The following PUS10 variants were observed in gnomAD, a reference collection of about 807,000 sequenced individuals.
PUS10 encodes the protein pseudouridine synthase 10.
Under a neutral mutation model 75.0 loss-of-function variants are expected in PUS10, and 59 were observed. The ratio of observed to expected loss-of-function variants is 0.79; its 90% confidence interval spans 0.64 to 0.98. The LOEUF (loss-of-function observed/expected upper bound fraction) is 0.98. Among genes scored for constraint, PUS10 ranks in the 50% least tolerant of loss-of-function variants. The probability of loss-of-function intolerance (pLI) is 0.00; values close to 1 mark genes in which losing one functional copy is unlikely to be tolerated. For synonymous variants in PUS10, 219 were observed against 211.6 expected (o/e 1.03, Z -0.30); for missense variants, 650 against 614.4 (o/e 1.06, Z -0.61).
At chr2:60,945,274 A>C (rs1265129277) in intron 16 of PUS10, among the ~76,000 whole-genome samples, 166 bp from the exon 17 acceptor site, 1 of 152,228 alleles carries the variant, frequency 6.6e-6, no homozygotes. Context: ...TGTGGTCCCT[A>C]GTAGCCTGGC....
chr2:61,005,113 T>C (rs1235027913), intron 4 of PUS10, among the ~76,000 whole-genome samples: 2 of 152,052 alleles, frequency 1.3e-5, no homozygotes, highest in Non-Finnish European at 2.9e-5. Flanking sequence ...AAATAAAAAT[T>C]AGCCAGGCGT....
At position 61,008,889 on chromosome 2, in the gene PUS10, G is replaced by C. The variant is rs1679419286; in HGVS notation, c.253C>G (p.Gln85Glu). 2.5e-6 allele frequency: 4 copies of C among 1,613,682 alleles called. No homozygotes were observed. Among genetic ancestry groups the C allele is most frequent in the African/African-American group, 1.3e-5 (1 of 74,888 alleles). The change falls in exon 3 of 18, where the codon CAA becomes GAA. Residue 85 changes from glutamine (Q) to glutamate (E), a missense_variant. Coordinates refer to ENST00000316752, the MANE Select transcript of PUS10 (RefSeq NM_144709.4). The part of the protein sequence containing the change: ...ELEDSIDNLS[Q>E]NGEGRISVSH... ...ACAGAGATCCTTCCCTCTCCATTTT[G>C]ACTTAGATTATCAATACTATCTTCC...
chr2:60,970,769 T>G (rs1676610319), intron 5 of PUS10, among the ~76,000 whole-genome samples: 1 of 152,222 alleles, frequency 6.6e-6, no homozygotes, highest in Non-Finnish European at 1.5e-5. Context: ...GATAAAGGAT[T>G]GTGAATCTAT....
rs530990000 is a variant in PUS10 at position 60,965,677 on chromosome 2, AC to A, written c.616-194del. On this transcript the variant is annotated intron_variant, in intron 6 of 17. Transcript: ENST00000316752. Reference sequence around the variant, plus strand: ...GGAAATAGTTTTGTTTTTTTTTTTAACTTCTAAAACTCAGTCATTAGTGATC... The same window carrying A: ...GGAAATAGTTTTGTTTTTTTTTTTAATTCTAAAACTCAGTCATTAGTGATC... The A allele has an allele frequency of 1.6e-4, 68 of 431,996 alleles. No homozygotes were observed. The South Asian group carries it at 2.8e-3, about 18-fold the overall frequency. 26.8% of individuals were successfully genotyped at this position (431,996 alleles called of 1,614,324 possible). A position where few individuals can be genotyped will look rare whatever the true frequency, so the allele number is the denominator to read the frequency against.
At chr2:61,017,945 T>C (rs2104788676) in intron 1 of PUS10, 63 bp downstream of exon 1, 1 of 1,389,660 alleles carries the variant, frequency 7.2e-7, no homozygotes, top group Non-Finnish European at 9.9e-7. Context: ...AGGTATTCCC[T>C]TCCCCCCTTT....
chr2:60,981,556 A>G lies in PUS10; in HGVS notation c.469-9999T>C, dbSNP rs562998405. Among the ~76,000 whole-genome samples the G allele has an allele frequency of 1.5e-4, 23 of 152,382 alleles. 1 individual carries two copies. The South Asian group carries it at 2.5e-3, about 16-fold the overall frequency. On this transcript the variant is annotated intron_variant, in intron 4 of 17. Transcript: ENST00000316752. ...CTTGGCCTCCCAAAGTGCTGGGATT[A>G]TTGGCGTGAGCCACCGTGCCTGGCC... is the stretch of plus-strand genomic sequence containing the variant.
chr2:61,013,474 C>A (rs1009986189), intron 1 of PUS10, among the ~76,000 whole-genome samples: 5 of 152,322 alleles, frequency 3.3e-5, no homozygotes, highest in African/African-American at 1.2e-4. Context: ...GCCATCCATA[C>A]TTTGATGAAC....
At chr2:61,015,544 A>G (rs1469470227) in intron 1 of PUS10, among the ~76,000 whole-genome samples, 1 of 151,850 alleles carries the variant, frequency 6.6e-6, no homozygotes, top group Non-Finnish European at 1.5e-5. Flanking sequence ...CTAAAAATAC[A>G]AAAAATTAGC....
chr2:60,977,510 G>GA (rs1480163298), intron 4 of PUS10, among the ~76,000 whole-genome samples: 1 of 152,108 alleles, frequency 6.6e-6, no homozygotes, highest in East Asian at 1.9e-4. Context: ...TTTGATATTT[G>GA]AATCTTCTAT....
rs1023640083 is a variant in PUS10 at position 60,951,293 on chromosome 2, A to G, written c.1308+1704T>C. Among the ~76,000 whole-genome samples, 3 of 152,180 alleles carry G rather than the reference A, an allele frequency of 2.0e-5. No homozygotes were observed. In the East Asian group the frequency reaches 5.8e-4, roughly 29 times the overall value. On this transcript the variant is annotated intron_variant, in intron 15 of 17. Coordinates refer to ENST00000316752, the MANE Select transcript of PUS10 (RefSeq NM_144709.4). ...CCAGGGACCAGTTTCTGGGAAGACAATTTTTCCATGAACTGAGGAAGGAGG... is the reference window on the plus strand; with the variant it reads ...CCAGGGACCAGTTTCTGGGAAGACAGTTTTTCCATGAACTGAGGAAGGAGG...
chr2:60,971,865 C>CTTTTTTTTTTTT (rs756222357), intron 4 of PUS10, among the ~76,000 whole-genome samples: 6 of 99,612 alleles, frequency 6.0e-5, no homozygotes, highest in African/African-American at 8.7e-5. Flanking sequence ...TCTTTCTTCT[C>CTTTTTTTTTTTT]TTTTTTTTTT....
At position 61,012,887 on chromosome 2, in the gene PUS10, T is replaced by TATATATATATATAC. The variant is rs67357917; in HGVS notation, c.-15-983_-15-982insGTATATATATATAT. 8.4e-3 allele frequency among the ~76,000 whole-genome samples: 741 copies of TATATATATATATAC among 88,630 alleles called. 12 individuals are homozygous for TATATATATATATAC. The highest frequency in any genetic ancestry group is 0.014 in the Non-Finnish European group (598 of 44,202). 58.1% of individuals were successfully genotyped at this position (88,630 alleles called of 152,430 possible). A position where few individuals can be genotyped will look rare whatever the true frequency, so the allele number is the denominator to read the frequency against. ...AAAAAAATATATATATATATATATA[T>TATATATATATATAC]ACACACACACACATATGCCTATTAC... On this transcript the variant is annotated intron_variant, in intron 1 of 17. Coordinates refer to ENST00000316752, the MANE Select transcript of PUS10 (RefSeq NM_144709.4).
At chr2:60,953,905 A>C (rs1192115068) in intron 14 of PUS10, 28 bp downstream of exon 14, 1 of 1,601,292 alleles carries the variant, frequency 6.2e-7, no homozygotes, top group Non-Finnish European at 8.6e-7. Flanking sequence ...GTCCCTTTTG[A>C]AATCATCTCC....
At chr2:60,985,795 C>T (rs1208192647) in intron 4 of PUS10, among the ~76,000 whole-genome samples, 1 of 152,090 alleles carries the variant, frequency 6.6e-6, no homozygotes, top group Non-Finnish European at 1.5e-5. Flanking sequence ...AGCCACTGCA[C>T]CCGGCCTTTT....
In PUS10 at chr2:60,940,613, T is replaced by A. The variant is rs980581720; in HGVS notation, c.*1782A>T. On this transcript the variant is annotated 3_prime_UTR_variant, in exon 18 of 18. Transcript: ENST00000316752. Reference sequence around the variant, plus strand: ...TTTATATAATCTCAGGAATAGAAATTTAAGAAATAGAAATCTTCTCATTTC... The same window carrying A: ...TTTATATAATCTCAGGAATAGAAATATAAGAAATAGAAATCTTCTCATTTC... 5.9e-5 allele frequency: 9 copies of A among 152,330 alleles called. No homozygotes were observed. Among genetic ancestry groups the A allele is most frequent in the African/African-American group, 2.2e-4 (9 of 41,454 alleles). The allele number at this position is 152,330 out of a possible 1,614,324, so 9.4% of individuals were successfully genotyped here.
rs1319422278 is a variant in PUS10, at chr2:61,008,833, G to A, written c.309C>T (p.Asn103=). ...ATACATTACATACATTTAAATTTGA[G>A]TTCTTGGAAGCAGTGCTTCCAACAT... ...VSHVGSTASK[N]SNLNVCNVCL... is the part of the protein sequence containing the mutation. The change falls in exon 3 of 18, where the codon AAC becomes AAT. Residue 103 remains asparagine (N), a synonymous_variant. Transcript: ENST00000316752. 2 of 1,610,738 alleles carry A rather than the reference G, an allele frequency of 1.2e-6. No individual in the cohort carries two copies. Among genetic ancestry groups the A allele is most frequent in the Admixed American group, 3.3e-5 (2 of 59,862 alleles).
intron 1 of PUS10, chr2:61,017,708 G>A (rs1053120103): frequency 6.9e-7 from 1 of 1,441,258 alleles, no homozygotes; most frequent in African/African-American, 1.4e-5. Flanking sequence ...GCTGGTCTAC[G>A]CGGGCCTGGA....
chr2:60,947,218 G>GT lies in PUS10; in HGVS notation c.1451+824dup, dbSNP rs202017780. ...ATGTCATCTGAATCGTTTTGTTTTT[G>GT]TTTTTTTTTCACAAGGCACGTAGAC... On this transcript the variant is annotated intron_variant, in intron 16 of 17. Coordinates refer to ENST00000316752, the MANE Select transcript of PUS10 (RefSeq NM_144709.4). Among the ~76,000 whole-genome samples the GT allele has an allele frequency of 9.9e-4, 148 of 149,696 alleles. 2 individuals carry two copies. The South Asian group carries it at 0.017, about 17-fold the overall frequency.
At chr2:60,963,439 C>G (rs1676155526) in intron 8 of PUS10, among the ~76,000 whole-genome samples, 1 of 152,212 alleles carries the variant, frequency 6.6e-6, no homozygotes. Context: ...CTGTACTGAA[C>G]AGAAGGGCAT....
Sources: allele counts gnomAD v4.1 joint callset (sites outside exome capture counted in the v4.1 genomes callset), GRCh38; gene constraint gnomAD v4.1.1; transcripts MANE v1.5; gene names NCBI Gene and HGNC (gene_info 2026-07-23, HGNC 2026-07-21).